UBE2L3: variants seen among roughly 807,000 people sequenced by gnomAD.
The protein encoded by UBE2L3 is ubiquitin conjugating enzyme E2 L3, also known as ubiquitin-conjugating enzyme E2 L3.
A neutral mutation model predicts 17.8 loss-of-function variants in UBE2L3; 1 was observed. That is an observed-to-expected ratio of 0.06 (90% CI 0.02 to 0.27). The LOEUF is 0.27. Ranked by LOEUF, UBE2L3 falls within the 10% of genes least tolerant of loss-of-function variation. The pLI is 1.00. For synonymous variants in UBE2L3, 44 were observed against 68.5 expected (o/e 0.64, Z 1.76); for missense variants, 40 against 192.6 (o/e 0.21, Z 4.69).
chr22:21,612,973 C>G (rs1305959062), intron 3 of UBE2L3, among the ~76,000 whole-genome samples: 1 of 152,164 alleles, frequency 6.6e-6, no homozygotes, highest in South Asian at 2.1e-4. Context: ...CTAGCACTGT[C>G]GAAAACCTAT....
chr22:21,561,589 A>G (rs1475877868), intron 1 of UBE2L3, among the ~76,000 whole-genome samples: 6 of 152,272 alleles, frequency 3.9e-5, no homozygotes, highest in African/African-American at 1.2e-4. Context: ...CTCAAAAAAA[A>G]AAGGGGGTCC....
intron 3 of UBE2L3, among the ~76,000 whole-genome samples, chr22:21,613,208 T>G (rs1319107151): frequency 2.0e-5 from 3 of 152,160 alleles, no homozygotes; most frequent in African/African-American, 7.2e-5. Context: ...ATGCACGTGC[T>G]TTGCCACCTC....
intron 1 of UBE2L3, chr22:21,568,360 T>C: frequency 3.0e-6 from 3 of 985,456 alleles, no homozygotes; most frequent in South Asian, 4.7e-5. Context: ...GCCTTGTGAC[T>C]GCAGAGTCAC....
chr22:21,591,718 A>G (rs1209185956), intron 1 of UBE2L3, among the ~76,000 whole-genome samples: 1 of 152,156 alleles, frequency 6.6e-6, no homozygotes, highest in Non-Finnish European at 1.5e-5. Flanking sequence ...GAGTTGAAGT[A>G]CCACGTAAGG....
At chr22:21,560,838 T>G (rs1926407117) in intron 1 of UBE2L3, among the ~76,000 whole-genome samples, 1 of 152,146 alleles carries the variant, frequency 6.6e-6, no homozygotes, top group African/African-American at 2.4e-5. Flanking sequence ...CAATGACCAT[T>G]TGTTCTGTCA....
At chr22:21,604,044 T>C (rs1427438794) in intron 2 of UBE2L3, among the ~76,000 whole-genome samples, 3 of 151,794 alleles carry the variant, frequency 2.0e-5, no homozygotes, top group African/African-American at 4.8e-5. Flanking sequence ...TCCAAAGTGC[T>C]GGAGTTTAAG....
chr22:21,616,144 C>T (rs896976001), intron 3 of UBE2L3, among the ~76,000 whole-genome samples: 64 of 152,276 alleles, frequency 4.2e-4, no homozygotes, highest in African/African-American at 1.5e-3. Context: ...TGAACCTAAA[C>T]CTCTGTTTCC....
chr22:21,569,990 C>A (rs1391132396), intron 1 of UBE2L3, among the ~76,000 whole-genome samples: 3 of 152,212 alleles, frequency 2.0e-5, no homozygotes, highest in African/African-American at 7.2e-5. Context: ...TCACTTCTCC[C>A]TTCCAGAGAA....
intron 3 of UBE2L3, among the ~76,000 whole-genome samples, chr22:21,619,452 G>A (rs1929945206): frequency 1.3e-5 from 2 of 152,084 alleles, no homozygotes; most frequent in South Asian, 4.1e-4. Flanking sequence ...AACAAACGTG[G>A]AACCTGTCAG....
chr22:21,614,814 A>G (rs1929680898), intron 3 of UBE2L3: 1 of 222,848 alleles, frequency 4.5e-6, no homozygotes, highest in Non-Finnish European at 7.5e-6. Flanking sequence ...TTCACAATGG[A>G]TAAGAAGTGA....
upstream of UBE2L3, among the ~76,000 whole-genome samples, chr22:21,566,222 C>T (rs987206743): frequency 6.6e-6 from 1 of 152,036 alleles, no homozygotes; most frequent in Non-Finnish European, 1.5e-5. Context: ...ATCCACCCCC[C>T]TCAGCCTCCC....
At chr22:21,562,376 C>CT (rs1211084908) in intron 1 of UBE2L3, among the ~76,000 whole-genome samples, 7,168 of 123,166 alleles carry the variant, frequency 0.058, 875 homozygotes, top group African/African-American at 0.22. Flanking sequence ...TTCTTTTTTT[C>CT]TTTTTTTTTT....
At chr22:21,600,356 ACTATTTACTTC>A (rs1427725272) in intron 2 of UBE2L3, among the ~76,000 whole-genome samples, 1 of 151,744 alleles carries the variant, frequency 6.6e-6, no homozygotes, top group Non-Finnish European at 1.5e-5. Context: ...ACTTATTCCT[ACTATTTACTTC>A]CAAAGGGAAT....
chr22:21,596,305 A>G (rs1007027422), intron 2 of UBE2L3, among the ~76,000 whole-genome samples: 4 of 152,118 alleles, frequency 2.6e-5, no homozygotes, highest in African/African-American at 4.8e-5. Flanking sequence ...GGCTCAAGCA[A>G]TCCTCCTGAG....
intron 3 of UBE2L3, among the ~76,000 whole-genome samples, chr22:21,612,952 T>G (rs1273727165): frequency 6.6e-6 from 1 of 152,154 alleles, no homozygotes; most frequent in African/African-American, 2.4e-5. Context: ...GGTTTTTTTC[T>G]GTACAGATTC....
At chr22:21,582,180 G>A (rs1046953821) in intron 1 of UBE2L3, among the ~76,000 whole-genome samples, 1 of 151,256 alleles carries the variant, frequency 6.6e-6, no homozygotes, top group African/African-American at 2.4e-5. Flanking sequence ...TCTGGGTTTC[G>A]GTGCTTATAG....
chr22:21,578,013 C>T (rs907655572), intron 1 of UBE2L3, among the ~76,000 whole-genome samples: 8 of 152,056 alleles, frequency 5.3e-5, no homozygotes, highest in Non-Finnish European at 7.4e-5. Context: ...CCTCTGAACC[C>T]GTCTGAGATG....
intron 2 of UBE2L3, among the ~76,000 whole-genome samples, chr22:21,603,916 T>C (rs951179488): frequency 6.3e-4 from 93 of 148,650 alleles, no homozygotes; most frequent in Middle Eastern, 3.4e-3. Flanking sequence ...GATTTTTTTT[T>C]TTTTTTTTTT....
At chr22:21,597,966 T>A (rs1928637710) in intron 2 of UBE2L3, among the ~76,000 whole-genome samples, 1 of 85,132 alleles carries the variant, frequency 1.2e-5, no homozygotes, top group African/African-American at 3.6e-5. Context: ...ATTTTTGTAT[T>A]TTTTTTTTTT....
Sources: allele counts gnomAD v4.1 joint callset (sites outside exome capture counted in the v4.1 genomes callset), GRCh38; gene constraint gnomAD v4.1.1; transcripts MANE v1.5; gene names NCBI Gene and HGNC (gene_info 2026-07-23, HGNC 2026-07-21).